The following TBXAS1 variants were observed in gnomAD, a reference collection of about 807,000 sequenced individuals.
TBXAS1 encodes thromboxane A synthase 1.
TBXAS1 carries 48 observed loss-of-function variants against 60.7 expected under a neutral mutation model. The observed-to-expected ratio is 0.79, with a 90% confidence interval of 0.63 to 1.01. The LOEUF is 1.01. Among genes scored for constraint, TBXAS1 ranks in the 50% least tolerant of loss-of-function variants. The pLI, the probability that TBXAS1 is intolerant of heterozygous loss-of-function variation, is 0.00. For synonymous variants in TBXAS1, 287 were observed against 269.7 expected (o/e 1.06, Z -0.63); for missense variants, 685 against 686.3 (o/e 1.00, Z 0.02).
At chr7:139,838,871 G>C (rs1400161409) in intron 1 of TBXAS1, among the ~76,000 whole-genome samples, 1 of 152,122 alleles carries the variant, frequency 6.6e-6, no homozygotes, top group Non-Finnish European at 1.5e-5. Flanking sequence ...TGTATTAGCT[G>C]GAAGTACATG....
intron 4 of TBXAS1, among the ~76,000 whole-genome samples, chr7:139,926,831 A>G (rs1381612871): frequency 6.6e-6 from 1 of 151,942 alleles, no homozygotes; most frequent in African/African-American, 2.4e-5. Context: ...TGTTTCCATT[A>G]TAATTTGTTT....
At chr7:140,018,020 C>T (rs185104569) in intron 12 of TBXAS1, among the ~76,000 whole-genome samples, 187 bp downstream of exon 12, 9 of 152,358 alleles carry the variant, frequency 5.9e-5, no homozygotes, top group African/African-American at 2.2e-4. Flanking sequence ...TAATAACACC[C>T]TCTACCTCTC....
intron 4 of TBXAS1, among the ~76,000 whole-genome samples, chr7:139,915,005 G>A (rs531720241): frequency 1.8e-4 from 28 of 152,034 alleles, no homozygotes; most frequent in South Asian, 6.2e-4. Flanking sequence ...AGTCTTCTTC[G>A]TCTCGGTCAT....
At chr7:139,818,602 G>A (rs1798213598) in intron 4 of TBXAS1, among the ~76,000 whole-genome samples, 1 of 152,148 alleles carries the variant, frequency 6.6e-6, no homozygotes, top group African/African-American at 2.4e-5. Context: ...GGCAGCTGCT[G>A]CCAAAACTTA....
intron 9 of TBXAS1, among the ~76,000 whole-genome samples, chr7:139,967,780 A>C (rs1810900596): frequency 6.6e-6 from 1 of 152,194 alleles, no homozygotes; most frequent in Admixed American, 6.5e-5. Flanking sequence ...GTAGCCAGGA[A>C]ACAGTGTGTT....
chr7:139,826,225 T>C (rs1481525513), upstream of TBXAS1, among the ~76,000 whole-genome samples: 1 of 151,962 alleles, frequency 6.6e-6, no homozygotes, highest in Non-Finnish European at 1.5e-5. Flanking sequence ...CTCTGTTTTG[T>C]GAGAGAGAAT....
chr7:139,830,538 AT>A (rs8192800), intron 1 of TBXAS1, among the ~76,000 whole-genome samples: 1 of 150,562 alleles, frequency 6.6e-6, no homozygotes, highest in Admixed American at 6.6e-5. Context: ...AACTGGTTTA[AT>A]TTTTTTTTTG....
At chr7:139,933,303 G>A (rs140134903) in intron 4 of TBXAS1, among the ~76,000 whole-genome samples, 152 of 152,240 alleles carry the variant, frequency 1.0e-3, no homozygotes, top group African/African-American at 2.0e-3. Flanking sequence ...GGATAGGTAC[G>A]AGATCCAATC....
At chr7:139,953,624 A>C in intron 6 of TBXAS1, 168 bp downstream of exon 6, 5 of 658,338 alleles carry the variant, frequency 7.6e-6, no homozygotes, top group Admixed American at 2.4e-5. Context: ...CCCACTTAAC[A>C]TGGGAAAGAG....
chr7:139,982,103 CTGGT>C (rs1301113803), intron 9 of TBXAS1, among the ~76,000 whole-genome samples: 1 of 152,106 alleles, frequency 6.6e-6, no homozygotes, highest in Non-Finnish European at 1.5e-5. Context: ...ATACAGGCTT[CTGGT>C]TAAATTTGAA....
chr7:139,905,179 T>C (rs1370664007), intron 3 of TBXAS1, among the ~76,000 whole-genome samples: 3 of 151,922 alleles, frequency 2.0e-5, no homozygotes, highest in Non-Finnish European at 4.4e-5. Flanking sequence ...GGAGTGGGCA[T>C]CCTTGTCTTG....
chr7:139,780,406 C>A (rs776441460), intron 1 of TBXAS1, among the ~76,000 whole-genome samples: 1 of 152,236 alleles, frequency 6.6e-6, no homozygotes, highest in South Asian at 2.1e-4. Flanking sequence ...TGTCTCTAGA[C>A]TGTAAGCTCA....
chr7:139,781,429 C>T (rs973539169), intron 2 of TBXAS1, among the ~76,000 whole-genome samples: 1 of 152,078 alleles, frequency 6.6e-6, no homozygotes, highest in African/African-American at 2.4e-5. Flanking sequence ...AAAGAGCTCC[C>T]CATGGACAAG....
At chr7:139,864,247 A>T (rs571463807) in intron 1 of TBXAS1, among the ~76,000 whole-genome samples, 2 of 139,556 alleles carry the variant, frequency 1.4e-5, no homozygotes, top group Admixed American at 1.4e-4. Flanking sequence ...CGCTGGCATT[A>T]AAAAAAAAAA....
At position 140,013,735 on chromosome 7, in the gene TBXAS1, C is replaced by A. The variant is rs1814797248; in HGVS notation, c.1227-1988C>A. Among the ~76,000 whole-genome samples, 1 of 152,232 alleles carries A rather than the reference C, an allele frequency of 6.6e-6. No individual in the cohort carries two copies. The highest frequency in any genetic ancestry group is 2.4e-5 in the African/African-American group (1 of 41,454). ...AGCACCAGGAGCCCTGAACACCAGC[C>A]TGAGGCTCAGCCCTGAAGGCAGCTT... On this transcript the variant is annotated intron_variant, in intron 10 of 12. Transcript: ENST00000448866. This position sits in a 1 kb window ranked among gnomAD's most constrained non-coding sequence, Gnocchi z 4.2.
In TBXAS1 at chr7:139,782,912, C is replaced by G. The variant is rs189799065; in HGVS notation, c.-169+183C>G. ...CCTTTATTTTAATTCTGTTTCTTAA[C>G]AAGTCATAATAGAGACCTATTTTTG... On this transcript the variant is annotated intron_variant, in intron 3 of 16. Coordinates refer to the TBXAS1 transcript ENST00000336425. Among the ~76,000 whole-genome samples, 354 of 152,184 alleles carry G rather than the reference C, an allele frequency of 2.3e-3. 1 individual carries two copies. The highest frequency in any genetic ancestry group is 8.4e-3 in the African/African-American group (347 of 41,514).
chr7:139,998,867 G>A (rs760586704), intron 9 of TBXAS1, among the ~76,000 whole-genome samples: 7 of 152,210 alleles, frequency 4.6e-5, no homozygotes, highest in African/African-American at 1.4e-4. Flanking sequence ...GGGCCTCAGA[G>A]TACAAAAACA....
chr7:139,893,325 G>C (rs892338901), intron 3 of TBXAS1, among the ~76,000 whole-genome samples: 1 of 139,880 alleles, frequency 7.1e-6, no homozygotes, highest in African/African-American at 2.7e-5. Flanking sequence ...CTATGGAATA[G>C]ACACACACAC....
chr7:139,986,795 G>A (rs1209678759), intron 9 of TBXAS1, among the ~76,000 whole-genome samples: 236 of 41,586 alleles, frequency 5.7e-3, no homozygotes, highest in African/African-American at 0.015. Context: ...GTGTGTGTGT[G>A]TGTGTATATA....
Sources: allele counts gnomAD v4.1 joint callset (sites outside exome capture counted in the v4.1 genomes callset), GRCh38; gene constraint gnomAD v4.1.1; non-coding constraint Gnocchi (gnomAD v3.1); transcripts MANE v1.5; gene names NCBI Gene and HGNC (gene_info 2026-07-23, HGNC 2026-07-21).